Variants in DZIP3 observed in about 807,000 individuals in gnomAD.
The protein encoded by DZIP3 is E3 ubiquitin-protein ligase DZIP3.
Under a neutral mutation model 162.0 loss-of-function variants are expected in DZIP3, and 118 were observed. That is an observed-to-expected ratio of 0.73 (90% CI 0.63 to 0.85). DZIP3 has a LOEUF of 0.85. Ranked by LOEUF, DZIP3 falls within the 40% of genes least tolerant of loss-of-function variation. The probability of loss-of-function intolerance (pLI) is 0.00; values close to 1 mark genes in which losing one functional copy is unlikely to be tolerated. For missense variants in DZIP3, 1,331 were observed against 1,407.0 expected (o/e 0.95, Z 0.86); for synonymous variants, 438 against 458.6 (o/e 0.96, Z 0.57).
chr3:108,626,894 T>G (rs907019079), intron 7 of DZIP3, among the ~76,000 whole-genome samples: 1 of 152,248 alleles, frequency 6.6e-6, no homozygotes, highest in Admixed American at 6.5e-5. Flanking sequence ...TGGAAAAGTT[T>G]GCTTGGGCAA....
intron 17 of DZIP3, among the ~76,000 whole-genome samples, chr3:108,650,567 A>T (rs1425960971): frequency 2.0e-5 from 3 of 151,728 alleles, no homozygotes; most frequent in Non-Finnish European, 4.4e-5. Flanking sequence ...TGTTGCCTTT[A>T]TAGTTTTATT....
chr3:108,599,264 C>G (rs1251239922), intron 1 of DZIP3, among the ~76,000 whole-genome samples: 1 of 152,132 alleles, frequency 6.6e-6, no homozygotes, highest in African/African-American at 2.4e-5. Flanking sequence ...ATAACTTTTG[C>G]AAAGATTTTT....
intron 14 of DZIP3, 117 bp downstream of exon 14, chr3:108,644,898 A>G: frequency 2.2e-6 from 2 of 897,408 alleles, no homozygotes; most frequent in South Asian, 3.5e-5. Context: ...GGGAAAATGG[A>G]CTCATCAGGA....
intron 27 of DZIP3, among the ~76,000 whole-genome samples, chr3:108,686,199 T>G (rs1478145901): frequency 6.6e-6 from 1 of 152,198 alleles, no homozygotes; most frequent in East Asian, 1.9e-4. Flanking sequence ...TTGTTTGTAT[T>G]AGTTAAGAGA....
chr3:108,590,329 T>C (rs1204026273), intron 1 of DZIP3, among the ~76,000 whole-genome samples: 1 of 152,224 alleles, frequency 6.6e-6, no homozygotes, highest in Non-Finnish European at 1.5e-5. Context: ...ATAGGGTACA[T>C]TTCCATTTAA....
At chr3:108,642,370 A>G in intron 12 of DZIP3, 68 bp from the exon 13 acceptor site, 1 of 1,404,366 alleles carries the variant, frequency 7.1e-7, no homozygotes, top group Non-Finnish European at 9.5e-7. Context: ...CCATGCTCAT[A>G]CTAGAAATCT....
At chr3:108,667,663 T>A (rs1399334936) in intron 21 of DZIP3, among the ~76,000 whole-genome samples, 1 of 152,152 alleles carries the variant, frequency 6.6e-6, no homozygotes, top group Admixed American at 6.6e-5. Flanking sequence ...ATACATGGGT[T>A]CTTTGTGTAT....
chr3:108,646,397 T>TG (rs1344347823), intron 14 of DZIP3, among the ~76,000 whole-genome samples: 1 of 152,230 alleles, frequency 6.6e-6, no homozygotes, highest in East Asian at 1.9e-4. Flanking sequence ...ACCACATTTT[T>TG]GTTTACTTTT....
intron 14 of DZIP3, among the ~76,000 whole-genome samples, chr3:108,645,005 T>C (rs1448698085): frequency 6.6e-6 from 1 of 152,108 alleles, no homozygotes; most frequent in Non-Finnish European, 1.5e-5. Flanking sequence ...AGTATCATAG[T>C]TAAAGAACTA....
intron 21 of DZIP3, among the ~76,000 whole-genome samples, chr3:108,663,070 T>C (rs1943512042): frequency 6.6e-6 from 1 of 152,184 alleles, no homozygotes; most frequent in South Asian, 2.1e-4. Flanking sequence ...TCTTAATTTT[T>C]CTCTCATATA....
chr3:108,687,486 T>C (rs1238714104), intron 28 of DZIP3, among the ~76,000 whole-genome samples: 1 of 152,166 alleles, frequency 6.6e-6, no homozygotes, highest in Non-Finnish European at 1.5e-5. Context: ...ATTAATGTGA[T>C]TTTTAACCCT....
chr3:108,689,049 T>G (rs1039594575), intron 31 of DZIP3, 125 bp downstream of exon 31: 2 of 900,216 alleles, frequency 2.2e-6, no homozygotes, highest in African/African-American at 3.3e-5. Context: ...TCTGAGCTTT[T>G]GGGTACCACA....
chr3:108,610,835 T>G (rs1452290799), intron 3 of DZIP3, among the ~76,000 whole-genome samples: 1 of 152,246 alleles, frequency 6.6e-6, no homozygotes, highest in Non-Finnish European at 1.5e-5. Context: ...AGATGTTGAG[T>G]CATTCTACTT....
intron 1 of DZIP3, among the ~76,000 whole-genome samples, chr3:108,593,531 A>C (rs907586853): frequency 2.0e-5 from 3 of 152,126 alleles, no homozygotes; most frequent in Non-Finnish European, 4.4e-5. Flanking sequence ...GAAGTGTTTC[A>C]TCTTTTTTTA....
intron 7 of DZIP3, among the ~76,000 whole-genome samples, chr3:108,628,831 GC>G (rs1457505294): frequency 6.6e-6 from 1 of 151,986 alleles, no homozygotes; most frequent in African/African-American, 2.4e-5. Flanking sequence ...AATTACCATG[GC>G]CCCCATACTG....
intron 7 of DZIP3, among the ~76,000 whole-genome samples, chr3:108,626,954 G>A (rs1941616328): frequency 6.6e-6 from 1 of 152,200 alleles, no homozygotes; most frequent in African/African-American, 2.4e-5. Flanking sequence ...CCCTAAAAGT[G>A]TCACCTATGT....
At chr3:108,644,031 G>A in intron 13 of DZIP3, 133 bp from the exon 14 acceptor site, 1 of 1,124,154 alleles carries the variant, frequency 8.9e-7, no homozygotes, top group Non-Finnish European at 1.2e-6. Context: ...ACTGGCTGTG[G>A]CAAAGCACTG....
rs536431884 is a variant in DZIP3 at position 108,649,311 on chromosome 3, T to C, written c.2007+349T>C. Among the ~76,000 whole-genome samples the C allele has an allele frequency of 2.6e-5, 4 of 152,038 alleles. No homozygotes were observed. The South Asian group carries it at 6.2e-4, about 24-fold the overall frequency. On this transcript the variant is annotated intron_variant, in intron 17 of 32. Coordinates refer to ENST00000361582, the MANE Select transcript of DZIP3 (RefSeq NM_014648.4). ...GCTTTTTGTCATGTCTTTATTGATA[T>C]GTTTAGAAGCAGCTTTCAAAACTTT...
At chr3:108,678,205 A>G (rs1355931307) in intron 26 of DZIP3, among the ~76,000 whole-genome samples, 1 of 151,696 alleles carries the variant, frequency 6.6e-6, no homozygotes, top group South Asian at 2.1e-4. Context: ...AGATGGGACT[A>G]TCTAGTTGCA....
Sources: gnomAD v4.1 joint callset for allele counts (sites outside exome capture counted in the v4.1 genomes callset) on GRCh38, gnomAD v4.1.1 for gene constraint, MANE v1.5 for transcripts, NCBI Gene and HGNC (gene_info 2026-07-23, HGNC 2026-07-21) for gene names.